The following NUP210L variants were observed in gnomAD, a reference collection of about 807,000 sequenced individuals.
NUP210L encodes nucleoporin 210 like.
NUP210L carries 74 observed loss-of-function variants against 208.5 expected under a neutral mutation model. The ratio of observed to expected loss-of-function variants is 0.35; its 90% CI spans 0.29 to 0.43. NUP210L has a LOEUF of 0.43. NUP210L is among the 20% of genes least tolerant of loss of function. The pLI, the probability that NUP210L is intolerant of heterozygous loss-of-function variation, is 1.00. For synonymous variants in NUP210L, 780 were observed against 816.9 expected, an observed-to-expected ratio of 0.95 and a Z score of 0.77; for missense variants, 1,843 against 2,289.4, an observed-to-expected ratio of 0.81 and a Z score of 3.98.
chr1:154,084,569 C>G (rs966473961), intron 16 of NUP210L, among the ~76,000 whole-genome samples: 1 of 151,690 alleles, frequency 6.6e-6, no homozygotes, highest in South Asian at 2.1e-4. Context: ...GGAGACCTTG[C>G]TTTATTTTTA....
At chr1:154,139,648 G>A (rs1658728021) in intron 5 of NUP210L, among the ~76,000 whole-genome samples, 154 bp downstream of exon 5, 1 of 151,062 alleles carries the variant, frequency 6.6e-6, no homozygotes, top group Non-Finnish European at 1.5e-5. Context: ...GGGCAACCTG[G>A]TGAAACCCTG....
At chr1:154,039,134 A>AT in intron 27 of NUP210L, among the ~76,000 whole-genome samples, 3 of 151,872 alleles carry the variant, frequency 2.0e-5, no homozygotes, top group African/African-American at 7.2e-5. Context: ...CTTACTGCCC[A>AT]TTAATGTCCT....
At position 154,012,238 on chromosome 1, in the gene NUP210L, C is replaced by T. The variant is rs374284835; in HGVS notation, c.4780+6G>A. 3 of 1,612,968 alleles carry T rather than the reference C, an allele frequency of 1.9e-6. No individual in the cohort carries two copies. In the African/African-American group the frequency reaches 4.0e-5, roughly 22 times the overall value. On this transcript the variant is annotated splice_donor_region_variant and intron_variant, in intron 34 of 39. Coordinates refer to ENST00000368559, the Ensembl canonical transcript of NUP210L. Reference sequence around the variant, plus strand: ...CAATCACTGAAACCATGAAGAGATTCCTGACCTTTAAGATTGACACCATTT... The same window carrying T: ...CAATCACTGAAACCATGAAGAGATTTCTGACCTTTAAGATTGACACCATTT...
At chr1:154,137,968 G>C in intron 6 of NUP210L, 138 bp downstream of exon 6, 1 of 550,868 alleles carries the variant, frequency 1.8e-6, no homozygotes, top group African/African-American at 2.0e-5. Flanking sequence ...TCTAATATTA[G>C]TTAAGTACAG....
chr1:154,090,934 G>A (rs1294404462), intron 15 of NUP210L, among the ~76,000 whole-genome samples: 1 of 151,698 alleles, frequency 6.6e-6, no homozygotes, highest in Non-Finnish European at 1.5e-5. Flanking sequence ...ATAGTATGGT[G>A]GTTCCTCAAG....
intron 16 of NUP210L, among the ~76,000 whole-genome samples, chr1:154,088,065 C>T (rs1411702488): frequency 2.0e-5 from 3 of 152,122 alleles, no homozygotes; most frequent in Admixed American, 6.6e-5. Flanking sequence ...CTGCTGGACG[C>T]GGTAGCTCAC....
intron 30 of NUP210L, among the ~76,000 whole-genome samples, chr1:154,024,305 C>T (rs1023390449): frequency 6.6e-6 from 1 of 152,122 alleles, no homozygotes; most frequent in Non-Finnish European, 1.5e-5. Flanking sequence ...CATTTCATAG[C>T]CTCATGTAAC....
At chr1:154,134,716 G>T (rs868492202) in intron 7 of NUP210L, among the ~76,000 whole-genome samples, 1 of 120,854 alleles carries the variant, frequency 8.3e-6, no homozygotes, top group Middle Eastern at 4.8e-3. Flanking sequence ...CGGCCTGGGC[G>T]ACAGCGAGAC....
intron 2 of NUP210L, among the ~76,000 whole-genome samples, chr1:154,146,565 A>T (rs1328843949): frequency 6.6e-6 from 1 of 151,342 alleles, no homozygotes; most frequent in African/African-American, 2.4e-5. Flanking sequence ...CTGGGTGGTC[A>T]AGGCTGCAGT....
At chr1:154,088,064 G>A (rs572303873) in intron 16 of NUP210L, among the ~76,000 whole-genome samples, 14 of 152,218 alleles carry the variant, frequency 9.2e-5, no homozygotes, top group African/African-American at 9.6e-5. Context: ...TCTGCTGGAC[G>A]CGGTAGCTCA....
intron 13 of NUP210L, among the ~76,000 whole-genome samples, chr1:154,100,407 C>T (rs1224201169): frequency 1.3e-5 from 2 of 148,404 alleles, no homozygotes; most frequent in South Asian, 2.1e-4. Context: ...GTCATGATTG[C>T]ACCACTACAC....
chr1:154,015,461 C>T (rs1340385392), intron 33 of NUP210L, among the ~76,000 whole-genome samples: 3 of 151,972 alleles, frequency 2.0e-5, no homozygotes, highest in African/African-American at 7.2e-5. Context: ...TGGCTCATGC[C>T]TGTAATCTCA....
chr1:154,006,032 A>G (rs957874822), intron 35 of NUP210L, among the ~76,000 whole-genome samples: 25 of 150,820 alleles, frequency 1.7e-4, no homozygotes, highest in African/African-American at 5.9e-4. Flanking sequence ...CTAATTTTGT[A>G]TTTTTAGTAG....
intron 21 of NUP210L, 115 bp downstream of exon 21, chr1:154,058,450 A>G (rs1653983526): frequency 8.1e-7 from 1 of 1,242,150 alleles, no homozygotes; most frequent in Non-Finnish European, 1.1e-6. Context: ...TTCCATTAAC[A>G]TTACCAGAAG....
chr1:154,055,218 T>C (rs1395849615), intron 23 of NUP210L, among the ~76,000 whole-genome samples: 2 of 150,842 alleles, frequency 1.3e-5, no homozygotes, highest in Non-Finnish European at 3.0e-5. Flanking sequence ...TCTCTCCCTC[T>C]CTCTTTCTTT....
intron 27 of NUP210L, among the ~76,000 whole-genome samples, chr1:154,039,057 G>A (rs114080992): frequency 0.03 from 4,543 of 151,988 alleles, 77 homozygotes; most frequent in Middle Eastern, 0.095. Context: ...CAATTACAGC[G>A]TTATAATATT....
chr1:154,027,090 A>C (rs1248864997), intron 29 of NUP210L, among the ~76,000 whole-genome samples: 82 of 143,426 alleles, frequency 5.7e-4, no homozygotes, highest in Middle Eastern at 3.5e-3. Context: ...CAAAAAAAAA[A>C]AAAAAACAAA....
At chr1:154,121,569 CA>C (rs1301105111) in intron 10 of NUP210L, among the ~76,000 whole-genome samples, 1 of 152,032 alleles carries the variant, frequency 6.6e-6, no homozygotes, top group Non-Finnish European at 1.5e-5. Context: ...GTTCTTCCAC[CA>C]TAAGAAACTT....
intron 6 of NUP210L, among the ~76,000 whole-genome samples, chr1:154,137,148 G>A (rs999195997): frequency 1.3e-5 from 2 of 152,056 alleles, no homozygotes; most frequent in African/African-American, 4.8e-5. Flanking sequence ...GCTTGGCACA[G>A]TAGCTCACAC....
Sources: allele counts gnomAD v4.1 joint callset (sites outside exome capture counted in the v4.1 genomes callset), GRCh38; gene constraint gnomAD v4.1.1; transcripts MANE v1.5; gene names NCBI Gene and HGNC (gene_info 2026-07-23, HGNC 2026-07-21).